PTPRS: variants seen among roughly 807,000 people sequenced by gnomAD.
PTPRS encodes receptor-type tyrosine-protein phosphatase S.
Under a neutral mutation model 215.3 loss-of-function variants are expected in PTPRS, and 63 were observed. The ratio of observed to expected loss-of-function variants is 0.29; its 90% CI spans 0.24 to 0.36. The LOEUF (loss-of-function observed/expected upper bound fraction) is 0.36, where lower values mean the gene tolerates loss of function less well. Ranked by LOEUF, PTPRS falls within the 10% of genes least tolerant of loss-of-function variation. The pLI is 1.00. For missense variants in PTPRS, 2,258 were observed against 2,825.8 expected, an observed-to-expected ratio of 0.80 and a Z score of 4.56; for synonymous variants, 1,404 against 1,191.4, an observed-to-expected ratio of 1.18 and a Z score of -3.68.
intron 1 of PTPRS, among the ~76,000 whole-genome samples, chr19:5,311,247 C>T (rs1006785628): frequency 7.9e-5 from 12 of 152,082 alleles, no homozygotes; most frequent in Admixed American, 7.2e-4. Context: ...TGACCTCAGG[C>T]GATCTGCCCG....
chr19:5,263,006 A>G, intron 5 of PTPRS, 34 bp from the exon 6 acceptor site: 2 of 1,550,954 alleles, frequency 1.3e-6, no homozygotes, highest in Non-Finnish European at 1.8e-6. Flanking sequence ...AAGAAAAGAG[A>G]ACAGGAACGT....
intron 12 of PTPRS, among the ~76,000 whole-genome samples, chr19:5,239,940 G>A (rs937992835): frequency 3.3e-5 from 5 of 152,166 alleles, no homozygotes; most frequent in African/African-American, 1.2e-4. Flanking sequence ...CAGATCAAGA[G>A]AGATGGGGAC....
At chr19:5,211,888 G>T in intron 32 of PTPRS, 77 bp downstream of exon 32, 2 of 1,555,796 alleles carry the variant, frequency 1.3e-6, no homozygotes, top group Non-Finnish European at 1.7e-6. Flanking sequence ...AGTCCCCATT[G>T]CTCGAGGCGG....
intron 11 of PTPRS, among the ~76,000 whole-genome samples, chr19:5,241,554 G>T (rs1302151224): frequency 6.6e-6 from 1 of 151,754 alleles, no homozygotes; most frequent in Non-Finnish European, 1.5e-5. Context: ...AAAGTGTCAG[G>T]ATTACAGGTG....
In PTPRS at chr19:5,220,164, CA is replaced by C. The variant is rs781315539; in HGVS notation, c.3550-11del. The C allele has an allele frequency of 6.2e-7, 1 of 1,610,062 alleles. No homozygotes were observed. Among genetic ancestry groups the C allele is most frequent in the South Asian group, 1.1e-5 (1 of 90,964 alleles). On this transcript the variant is annotated splice_polypyrimidine_tract_variant and intron_variant, in intron 21 of 37. Coordinates refer to ENST00000262963, the MANE Select transcript of PTPRS (RefSeq NM_002850.4). ...AGATGTCCTGGATGAGCTGCGGGAA[CA>C]GAGTCATGGGTGGCTCAGAGCTCAG...
At chr19:5,284,449 G>C (rs1232157784) in intron 2 of PTPRS, among the ~76,000 whole-genome samples, 3 of 151,904 alleles carry the variant, frequency 2.0e-5, no homozygotes, top group Non-Finnish European at 4.4e-5. Flanking sequence ...AGTGGCTCAT[G>C]CCTGCAATCC....
chr19:5,318,337 CAAA>C (rs146792031), intron 1 of PTPRS, among the ~76,000 whole-genome samples: 3 of 117,410 alleles, frequency 2.6e-5, no homozygotes, highest in African/African-American at 6.3e-5. Context: ...GAGACTGTCT[CAAA>C]AAAAAAAAAA....
rs1236681071 is a variant in PTPRS at position 5,246,132 on chromosome 19, AG to A, written c.719-88del. On this transcript the variant is annotated intron_variant, in intron 9 of 37. Coordinates refer to ENST00000262963, the MANE Select transcript of PTPRS (RefSeq NM_002850.4). ...GGGAGGGGAAGACAGGATGCGGAGGAGAAAAAGAAAAGCAGGAAGGAAGAAA... is the reference window on the plus strand; with the variant it reads ...GGGAGGGGAAGACAGGATGCGGAGGAAAAAAGAAAAGCAGGAAGGAAGAAA... 4.4e-6 allele frequency: 3 copies of A among 679,532 alleles called. No homozygotes were observed. In the African/African-American group the frequency reaches 5.6e-5, roughly 13 times the overall value. The allele number at this position is 679,532 out of a possible 1,614,324, so 42.1% of individuals were successfully genotyped here. A position where few individuals can be genotyped will look rare whatever the true frequency, so the allele number is the denominator to read the frequency against.
At position 5,270,803 on chromosome 19, in the gene PTPRS, C is replaced by T. The variant is rs577164460; in HGVS notation, c.379+2639G>A. Among the ~76,000 whole-genome samples, 3 of 152,220 alleles carry T rather than the reference C, an allele frequency of 2.0e-5. No individual in the cohort carries two copies. The South Asian group carries it at 6.2e-4, about 32-fold the overall frequency. ...AGGATGACAGGTGCACACCACCATG[C>T]CTGGCTAATTTTTGTATTTTTAGTA... is the stretch of plus-strand genomic sequence containing the variant. On this transcript the variant is annotated intron_variant, in intron 4 of 37. Transcript: ENST00000262963.
chr19:5,229,704 G>T lies in PTPRS; in HGVS notation c.2156-20C>A. 4 of 1,233,366 alleles carry T rather than the reference G, an allele frequency of 3.2e-6. No homozygotes were observed. The highest frequency in any genetic ancestry group is 3.3e-5 in the South Asian group (1 of 30,026). 76.4% of individuals were successfully genotyped at this position (1,233,366 alleles called of 1,614,324 possible). On this transcript the variant is annotated intron_variant, in intron 14 of 37. Coordinates refer to ENST00000262963, the MANE Select transcript of PTPRS (RefSeq NM_002850.4). ...TGGGCACTGGCGGGCGGGAGGGGAG[G>T]GGAGGGGCGGGCGGAGCCGTTACCA...
At chr19:5,220,183 G>A in intron 21 of PTPRS, 29 bp from the exon 22 acceptor site, 2 of 1,609,014 alleles carry the variant, frequency 1.2e-6, no homozygotes, top group Non-Finnish European at 1.7e-6. Flanking sequence ...GGGTGGCTCA[G>A]AGCTCAGCTG....
intron 1 of PTPRS, among the ~76,000 whole-genome samples, chr19:5,291,461 C>T (rs1197443254): frequency 6.6e-6 from 1 of 152,066 alleles, no homozygotes; most frequent in African/African-American, 2.4e-5. Context: ...CCCATGCTGG[C>T]TTCATGGAAC....
rs1359276843 is a variant in PTPRS, at chr19:5,211,584, A to C, written c.5234+6T>G. On this transcript the variant is annotated splice_donor_region_variant and intron_variant, in intron 33 of 37. Coordinates refer to ENST00000262963, the MANE Select transcript of PTPRS (RefSeq NM_002850.4). ...GGCCCTGAGGTGGGAAAGGCATGGCACCTACCTGTAGCCATCAATGAAGCT... is the reference window on the plus strand; with the variant it reads ...GGCCCTGAGGTGGGAAAGGCATGGCCCCTACCTGTAGCCATCAATGAAGCT... The C allele has an allele frequency of 1.9e-6, 3 of 1,603,056 alleles. No homozygotes were observed. The African/African-American group carries it at 4.0e-5, about 21-fold the overall frequency.
chr19:5,214,734 T>G lies in PTPRS; in HGVS notation c.4321A>C (p.Ile1441Leu), dbSNP rs528875239. The G allele has an allele frequency of 3.1e-6, 5 of 1,597,256 alleles. No individual in the cohort carries two copies. The African/African-American group carries it at 6.7e-5, about 21-fold the overall frequency. ...SRVILQPIEGIMGSDYINANY... is the reference protein window; with the variant it reads ...SRVILQPIEGLMGSDYINANY... Reference sequence around the variant, plus strand: ...GCATTGATGTAATCACTGCCCATGATGCCTGCAGCCAGGGCGAGAGGCCAG... The same window carrying G: ...GCATTGATGTAATCACTGCCCATGAGGCCTGCAGCCAGGGCGAGAGGCCAG... The change falls in exon 29 of 38, where the codon ATC (isoleucine) becomes CTC (leucine). Residue 1441 changes from isoleucine (I) to leucine (L), a missense_variant and splice_region_variant. Coordinates refer to ENST00000262963, the MANE Select transcript of PTPRS (RefSeq NM_002850.4).
chr19:5,243,147 A>G (rs1486436576), intron 11 of PTPRS, among the ~76,000 whole-genome samples: 7 of 144,682 alleles, frequency 4.8e-5, no homozygotes, highest in Non-Finnish European at 9.1e-5. Flanking sequence ...TTTTAATTTA[A>G]TTTTTTTGAG....
At chr19:5,231,725 A>G (rs2043034532) in intron 13 of PTPRS, 110 bp from the exon 14 acceptor site, 1 of 474,610 alleles carries the variant, frequency 2.1e-6, no homozygotes, top group South Asian at 2.0e-5. Context: ...GAAGATGATA[A>G]CAAACAAAAC....
intron 11 of PTPRS, among the ~76,000 whole-genome samples, chr19:5,242,300 G>A (rs1043132038): frequency 1.3e-5 from 2 of 152,230 alleles, no homozygotes; most frequent in East Asian, 1.9e-4. Context: ...GGATCTACCC[G>A]GGTGTTTGAT....
intron 1 of PTPRS, among the ~76,000 whole-genome samples, chr19:5,336,978 ATG>A (rs1201435421): frequency 2.6e-5 from 4 of 152,264 alleles, no homozygotes; most frequent in African/African-American, 9.6e-5. Context: ...CCTACCCTGG[ATG>A]CAGAGGAGAG....
intron 26 of PTPRS, among the ~76,000 whole-genome samples, chr19:5,216,036 G>T (rs1196940583): frequency 6.6e-6 from 1 of 152,146 alleles, no homozygotes; most frequent in African/African-American, 2.4e-5. Flanking sequence ...TTGGGTGGGC[G>T]ACTGACACCC....
Sources: allele counts gnomAD v4.1 joint callset (sites outside exome capture counted in the v4.1 genomes callset), GRCh38; gene constraint gnomAD v4.1.1; transcripts MANE v1.5; gene names NCBI Gene and HGNC (gene_info 2026-07-23, HGNC 2026-07-21).